The following NME7 variants were observed in gnomAD, a reference collection of about 807,000 sequenced individuals.
The protein encoded by NME7 is nucleoside diphosphate kinase 7.
NME7 carries 41 observed loss-of-function variants against 49.1 expected under a neutral mutation model. That is an observed-to-expected ratio of 0.83 (90% confidence interval 0.65 to 1.08). The LOEUF is 1.08. NME7 is among the 50% of genes least tolerant of loss of function. NME7 has a pLI of 0.00. For missense variants in NME7, 423 were observed against 463.4 expected (o/e 0.91, Z 0.80); for synonymous variants, 139 against 150.6 (o/e 0.92, Z 0.56).
chr1:169,218,659 ATTTTTT>A (rs34342694), intron 10 of NME7, among the ~76,000 whole-genome samples: 17 of 118,174 alleles, frequency 1.4e-4, no homozygotes, highest in Non-Finnish European at 1.9e-4. Flanking sequence ...CCAATTTTGA[ATTTTTT>A]TTTTTTTTTT....
At chr1:169,364,736 G>A (rs1286809485) in intron 1 of NME7, among the ~76,000 whole-genome samples, 1 of 152,136 alleles carries the variant, frequency 6.6e-6, no homozygotes, top group East Asian at 1.9e-4. Context: ...GCTAACTATG[G>A]GAGAAATTTA....
chr1:169,255,675 T>C (rs1034162185), intron 7 of NME7, among the ~76,000 whole-genome samples: 2,357 of 128,104 alleles, frequency 0.018, 288 homozygotes, highest in African/African-American at 0.058. Flanking sequence ...TCTTTACATT[T>C]TGGCATGATT....
At chr1:169,187,644 CT>C (rs1660105617) in intron 10 of NME7, among the ~76,000 whole-genome samples, 1 of 152,046 alleles carries the variant, frequency 6.6e-6, no homozygotes, top group South Asian at 2.1e-4. Flanking sequence ...CTATGTGTGT[CT>C]TTGCATGTGA....
At chr1:169,337,099 G>A (rs1328320193) in intron 1 of NME7, among the ~76,000 whole-genome samples, 3 of 152,218 alleles carry the variant, frequency 2.0e-5, no homozygotes, top group African/African-American at 7.2e-5. Context: ...TTGGGTGGTC[G>A]ATGGGACTGG....
chr1:169,345,936 G>T (rs1406306649), intron 1 of NME7, among the ~76,000 whole-genome samples: 1 of 152,146 alleles, frequency 6.6e-6, no homozygotes, highest in East Asian at 1.9e-4. Context: ...CCATTGCTCA[G>T]GACAAAATCC....
At chr1:169,176,677 T>C (rs539393149) in intron 10 of NME7, among the ~76,000 whole-genome samples, 1 of 152,226 alleles carries the variant, frequency 6.6e-6, no homozygotes, top group South Asian at 2.1e-4. Context: ...GAAGTGAAAA[T>C]GAAGTCTTAT....
intron 10 of NME7, among the ~76,000 whole-genome samples, chr1:169,213,538 A>G (rs1258928748): frequency 6.6e-6 from 1 of 152,180 alleles, no homozygotes; most frequent in Non-Finnish European, 1.5e-5. Context: ...GGCTGAACAT[A>G]TATGAAATAG....
At chr1:169,289,277 T>A (rs1351259311) in intron 6 of NME7, among the ~76,000 whole-genome samples, 9 of 152,290 alleles carry the variant, frequency 5.9e-5, no homozygotes, top group Non-Finnish European at 4.4e-5. Flanking sequence ...TCTCCTTCGA[T>A]GGTTTTCTCC....
intron 10 of NME7, among the ~76,000 whole-genome samples, chr1:169,182,776 T>C (rs1659964395): frequency 6.6e-6 from 1 of 152,194 alleles, no homozygotes; most frequent in Admixed American, 6.5e-5. Flanking sequence ...GATAAGTGAA[T>C]GGATGAATGG....
rs977292029 is a variant in NME7 at position 169,234,077 on chromosome 1, T to C, written c.888+1054A>G. ...ATGTATAAAATGGAAAGAAAAAACA[T>C]GTTAAACAAAGAACTTCATCAAAAG... On this transcript the variant is annotated intron_variant, in intron 9 of 11. Coordinates refer to ENST00000367811, the MANE Select transcript of NME7 (RefSeq NM_013330.5). 2.0e-5 allele frequency among the ~76,000 whole-genome samples: 3 copies of C among 152,146 alleles called. No homozygotes were observed. The South Asian group carries it at 6.2e-4, about 31-fold the overall frequency.
chr1:169,184,246 C>T (rs773714409), intron 10 of NME7, among the ~76,000 whole-genome samples: 2 of 151,960 alleles, frequency 1.3e-5, no homozygotes, highest in African/African-American at 2.4e-5. Context: ...TATAAAAATG[C>T]AATTTTCTCT....
chr1:169,303,439 T>A, intron 4 of NME7: 1 of 214,132 alleles, frequency 4.7e-6, no homozygotes, highest in Non-Finnish European at 8.9e-6. Flanking sequence ...TTATGTTATA[T>A]ATTGTCTATC....
chr1:169,276,508 G>C (rs1649734961), intron 7 of NME7, among the ~76,000 whole-genome samples: 1 of 133,362 alleles, frequency 7.5e-6, no homozygotes, highest in Non-Finnish European at 1.8e-5. Context: ...ATGGTAGTTT[G>C]TATTTCTGTG....
intron 7 of NME7, among the ~76,000 whole-genome samples, chr1:169,248,980 T>C (rs1648443788): frequency 6.6e-6 from 1 of 152,156 alleles, no homozygotes; most frequent in Non-Finnish European, 1.5e-5. Flanking sequence ...TTTTTCTGGT[T>C]TCATATGAAT....
At chr1:169,305,436 T>C (rs1019266808) in intron 4 of NME7, among the ~76,000 whole-genome samples, 1 of 152,252 alleles carries the variant, frequency 6.6e-6, no homozygotes, top group African/African-American at 2.4e-5. Context: ...ATTGTCATCA[T>C]GGCGGAACCG....
intron 10 of NME7, among the ~76,000 whole-genome samples, chr1:169,187,941 G>C (rs1279537056): frequency 6.6e-6 from 1 of 152,134 alleles, no homozygotes; most frequent in Non-Finnish European, 1.5e-5. Context: ...AGGTAGGCCT[G>C]GTGGTGACAA....
chr1:169,222,217 T>TTATC (rs1661165198), intron 10 of NME7, among the ~76,000 whole-genome samples: 1 of 152,208 alleles, frequency 6.6e-6, no homozygotes, highest in Non-Finnish European at 1.5e-5. Flanking sequence ...TATTTGTTTA[T>TTATC]TATCTGTCTC....
intron 10 of NME7, among the ~76,000 whole-genome samples, chr1:169,195,521 C>G (rs1660353674): frequency 6.6e-6 from 1 of 152,124 alleles, no homozygotes; most frequent in Non-Finnish European, 1.5e-5. Context: ...TCAAAAGATA[C>G]TTTTTTAAAA....
rs1375834768 is a variant in NME7 at position 169,264,852 on chromosome 1, AG to A, written c.754+22450del. Among the ~76,000 whole-genome samples the A allele has an allele frequency of 1.8e-4, 24 of 133,496 alleles. 1 individual carries two copies. The highest frequency in any genetic ancestry group is 5.8e-4 in the African/African-American group (23 of 39,588). The allele number at this position is 133,496 out of a possible 152,430, so 87.6% of individuals were successfully genotyped here. A position where few individuals can be genotyped will look rare whatever the true frequency, so the allele number is the denominator to read the frequency against. On this transcript the variant is annotated intron_variant, in intron 7 of 11. Coordinates refer to ENST00000367811, the MANE Select transcript of NME7 (RefSeq NM_013330.5). ...TAGTCCGTACTCATGCTGCTAATAAAGACATATCTGAGACCGGGTAATTTAT... is the reference window on the plus strand; with the variant it reads ...TAGTCCGTACTCATGCTGCTAATAAAACATATCTGAGACCGGGTAATTTAT...
Sources: gnomAD v4.1 joint callset for allele counts (sites outside exome capture counted in the v4.1 genomes callset) on GRCh38, gnomAD v4.1.1 for gene constraint, MANE v1.5 for transcripts, NCBI Gene and HGNC (gene_info 2026-07-23, HGNC 2026-07-21) for gene names.